SLC15A4: variants seen among roughly 807,000 people sequenced by gnomAD.
The protein encoded by SLC15A4 is hPHT1.
Under a neutral mutation model 46.1 loss-of-function variants are expected in SLC15A4, and 26 were observed. That is an observed-to-expected ratio of 0.56 (90% confidence interval 0.41 to 0.78). SLC15A4 has a LOEUF of 0.78. SLC15A4 is among the 30% of genes least tolerant of loss of function. The pLI is 0.00. For synonymous variants in SLC15A4, 370 were observed against 333.4 expected (o/e 1.11, Z -1.20); for missense variants, 751 against 755.7 (o/e 0.99, Z 0.07).
At chr12:128,803,708 A>G (rs1172443559) in intron 5 of SLC15A4, among the ~76,000 whole-genome samples, 1 of 150,388 alleles carries the variant, frequency 6.6e-6, no homozygotes, top group African/African-American at 2.4e-5. Flanking sequence ...CAGGTAGACG[A>G]AAAAAAAAAT....
At chr12:128,819,963 C>T (rs903777561) in intron 1 of SLC15A4, 4 of 152,308 alleles carry the variant, frequency 2.6e-5, no homozygotes, top group Admixed American at 2.6e-4. Flanking sequence ...GGAGCTAACC[C>T]TCTAGGCCTC....
chr12:128,799,511 G>GTC (rs1566045536), intron 6 of SLC15A4, 94 bp from the exon 7 acceptor site: 29 of 1,371,638 alleles, frequency 2.1e-5, no homozygotes, highest in Non-Finnish European at 2.6e-5. Context: ...GAAGCGTGGG[G>GTC]TCTCCTAGGG....
intron 5 of SLC15A4, among the ~76,000 whole-genome samples, chr12:128,806,165 C>CAAAAA (rs765448653): frequency 0.25 from 21,439 of 85,738 alleles, 3,362 homozygotes; most frequent in South Asian, 0.48. Flanking sequence ...GACTCTGTCT[C>CAAAAA]AAAAAAAAAA....
intron 1 of SLC15A4, among the ~76,000 whole-genome samples, chr12:128,816,207 A>T (rs762270064): frequency 6.6e-6 from 1 of 152,174 alleles, no homozygotes; most frequent in Non-Finnish European, 1.5e-5. Flanking sequence ...AAGCGGTGGG[A>T]ACAGGTCATT....
intron 3 of SLC15A4, 138 bp from the exon 4 acceptor site, chr12:128,809,611 A>T (rs193041626): frequency 1.6e-6 from 1 of 620,014 alleles, no homozygotes; most frequent in African/African-American, 1.8e-5. Context: ...CAAGTTTGAA[A>T]ACAGACAGGT....
chr12:128,823,928 C>G lies in SLC15A4; in HGVS notation c.16G>C (p.Gly6Arg), dbSNP rs1955898574. 2 of 665,394 alleles carry G rather than the reference C, an allele frequency of 3.0e-6. No individual in the cohort carries two copies. The highest frequency in any genetic ancestry group is 1.3e-4 in the South Asian group (2 of 15,696). 41.2% of individuals were successfully genotyped at this position (665,394 alleles called of 1,614,324 possible). MEGSGGGAGERAPLLG... is the reference protein window; with the variant it reads MEGSGRGAGERAPLLG... ...AGCGGCGCCCGCTCGCCCGCACCGC[C>G]CCCAGAGCCCTCCATGCGACGCCGC... The change falls in exon 1 of 8, where the codon GGC becomes CGC. Residue 6 changes from glycine (G) to arginine (R), a missense_variant. Coordinates refer to ENST00000266771, the MANE Select transcript of SLC15A4 (RefSeq NM_145648.4).
intron 1 of SLC15A4, 132 bp downstream of exon 1, chr12:128,823,266 G>C (rs1678645030): frequency 2.3e-6 from 2 of 862,290 alleles, no homozygotes; most frequent in Non-Finnish European, 3.2e-6. Context: ...GGGATTCCTC[G>C]GCACTAGACA....
intron 6 of SLC15A4, 67 bp downstream of exon 6, chr12:128,800,787 A>C: frequency 1.3e-6 from 2 of 1,484,902 alleles, no homozygotes; most frequent in Admixed American, 2.2e-5. Flanking sequence ...CCAACAGCAC[A>C]GTCAGAATGC....
At chr12:128,798,258 G>A (rs1056238620) in intron 7 of SLC15A4, among the ~76,000 whole-genome samples, 2 of 152,160 alleles carry the variant, frequency 1.3e-5, no homozygotes, top group African/African-American at 4.8e-5. Flanking sequence ...TTATTCCTCG[G>A]GCTGTTCATC....
At chr12:128,802,785 A>G (rs1421913925) in intron 5 of SLC15A4, among the ~76,000 whole-genome samples, 1 of 152,234 alleles carries the variant, frequency 6.6e-6, no homozygotes, top group Non-Finnish European at 1.5e-5. Context: ...AGAGAGACAC[A>G]AATGATGAGA....
chr12:128,820,369 G>GAC (rs1264608632), intron 1 of SLC15A4, among the ~76,000 whole-genome samples: 1 of 152,204 alleles, frequency 6.6e-6, no homozygotes, highest in East Asian at 1.9e-4. Context: ...GTGGATCTAA[G>GAC]ACTCCTGTGA....
At chr12:128,809,122 C>A in intron 4 of SLC15A4, 166 bp from the exon 5 acceptor site, 1 of 674,514 alleles carries the variant, frequency 1.5e-6, no homozygotes, top group Non-Finnish European at 2.4e-6. Context: ...GATTTCTTTC[C>A]AAATGAATCT....
intron 1 of SLC15A4, among the ~76,000 whole-genome samples, chr12:128,820,936 G>A (rs920151391): frequency 1.3e-5 from 2 of 152,126 alleles, no homozygotes; most frequent in South Asian, 2.1e-4. Context: ...TCATGGGGAC[G>A]GATCCCTGAA....
At chr12:128,796,412 A>G (rs113496256) in intron 7 of SLC15A4, among the ~76,000 whole-genome samples, 19 of 133,440 alleles carry the variant, frequency 1.4e-4, no homozygotes, top group African/African-American at 5.3e-4. Context: ...CCGGGCAACA[A>G]ACGTGAAACT....
intron 4 of SLC15A4, 184 bp from the exon 5 acceptor site, chr12:128,809,140 C>T (rs567405085): frequency 1.8e-4 from 114 of 646,382 alleles, no homozygotes; most frequent in African/African-American, 1.2e-3. Context: ...TCTGCATTTG[C>T]TTTTCTGTGT....
intron 2 of SLC15A4, among the ~76,000 whole-genome samples, chr12:128,811,812 G>A (rs904409437): frequency 1.3e-5 from 2 of 152,118 alleles, no homozygotes; most frequent in African/African-American, 2.4e-5. Context: ...TATTACTTTC[G>A]CTTTATGTAA....
At chr12:128,799,736 T>C (rs1024845631) in intron 6 of SLC15A4, among the ~76,000 whole-genome samples, 23 of 152,202 alleles carry the variant, frequency 1.5e-4, no homozygotes, top group African/African-American at 5.5e-4. Context: ...TTAAAGAGAT[T>C]AGAGAAAAAA....
intron 5 of SLC15A4, among the ~76,000 whole-genome samples, chr12:128,804,947 G>A (rs190494388): frequency 3.3e-4 from 50 of 152,252 alleles, no homozygotes; most frequent in African/African-American, 1.1e-3. Context: ...GACGAAGGCC[G>A]ATTCTAGACA....
rs191676709 is a variant in SLC15A4 at position 128,798,006 on chromosome 12, A to G, written c.1573+1253T>C. On this transcript the variant is annotated intron_variant, in intron 7 of 7. Transcript: ENST00000266771. The stretch of plus-strand genomic sequence containing the variant: ...CAGCACACACGCCCTGAGAGCACCA[A>G]TGCAGGGGAAGTCCACAAACAACCT... Among the ~76,000 whole-genome samples, 11 of 152,348 alleles carry G rather than the reference A, an allele frequency of 7.2e-5. No homozygotes were observed. The East Asian group carries it at 1.7e-3, about 24-fold the overall frequency.
Sources: gnomAD v4.1 joint callset for allele counts (sites outside exome capture counted in the v4.1 genomes callset) on GRCh38, gnomAD v4.1.1 for gene constraint, MANE v1.5 for transcripts, NCBI Gene and HGNC (gene_info 2026-07-23, HGNC 2026-07-21) for gene names.